CLVS2: variants seen among roughly 807,000 people sequenced by gnomAD.
CLVS2 encodes clavesin 2.
CLVS2 carries 19 observed loss-of-function variants against 29.0 expected under a neutral mutation model. That is an observed-to-expected ratio of 0.66 (90% CI 0.46 to 0.96). The LOEUF (loss-of-function observed/expected upper bound fraction) is 0.96, where lower values mean the gene tolerates loss of function less well. Ranked by LOEUF, CLVS2 falls within the 40% of genes least tolerant of loss-of-function variation. The pLI, the probability that CLVS2 is intolerant of heterozygous loss-of-function variation, is 0.00. For missense variants in CLVS2, 294 were observed against 404.1 expected, an observed-to-expected ratio of 0.73 and a Z score of 2.34; for synonymous variants, 161 against 151.3, an observed-to-expected ratio of 1.06 and a Z score of -0.47.
Position 123,072,564 on chromosome 6 carries a change from C to A in CLVS2, c.*8803C>A, listed in dbSNP as rs760759860. On this transcript the variant is annotated 3_prime_UTR_variant, in exon 6 of 6. Transcript: ENST00000275162. ...AGTCTGTACAGTGGAAACCATTTCC[C>A]TCTGTGATATCCTTTTTTGCCAACC... 17 of 152,056 alleles carry A rather than the reference C, an allele frequency of 1.1e-4. No individual in the cohort carries two copies. Among genetic ancestry groups the A allele is most frequent in the African/African-American group, 2.2e-4 (9 of 41,436 alleles). The allele number at this position is 152,056 out of a possible 1,614,324, so 9.4% of individuals were successfully genotyped here. A position where few individuals can be genotyped will look rare whatever the true frequency, so the allele number is the denominator to read the frequency against.
intron 3 of CLVS2, among the ~76,000 whole-genome samples, chr6:123,017,088 A>ATGTG (rs61643251): frequency 5.3e-4 from 79 of 149,202 alleles, no homozygotes; most frequent in Admixed American, 1.3e-3. Flanking sequence ...GCATGTGTGT[A>ATGTG]TGTGTGTGTG....
chr6:123,036,406 T>A (rs995239076), intron 3 of CLVS2, among the ~76,000 whole-genome samples: 1 of 152,172 alleles, frequency 6.6e-6, no homozygotes, highest in Non-Finnish European at 1.5e-5. Flanking sequence ...TCTGTAAGAT[T>A]TTTTGTAATA....
chr6:123,013,002 C>T (rs932799879), intron 3 of CLVS2, among the ~76,000 whole-genome samples: 1 of 151,982 alleles, frequency 6.6e-6, no homozygotes, highest in Non-Finnish European at 1.5e-5. Context: ...ATACCTATGT[C>T]TGTGTCTGTA....
intron 3 of CLVS2, among the ~76,000 whole-genome samples, chr6:123,026,097 G>A (rs143457365): frequency 6.6e-6 from 1 of 152,042 alleles, no homozygotes; most frequent in Non-Finnish European, 1.5e-5. Context: ...ATCTTTCCAT[G>A]TTAAGAGTAA....
intron 3 of CLVS2, among the ~76,000 whole-genome samples, chr6:123,038,093 C>G (rs995258728): frequency 2.0e-5 from 3 of 152,132 alleles, no homozygotes. Flanking sequence ...CTAAAGGTGG[C>G]CTGATCTTTC....
rs1036601929 is a variant in CLVS2, at chr6:123,055,106, G to A, written c.676-700G>A. On this transcript the variant is annotated intron_variant, in intron 4 of 5. Coordinates refer to ENST00000275162, the MANE Select transcript of CLVS2 (RefSeq NM_001010852.4). ...ACAAAATGATTAAGGTATGCATACA[G>A]CTTTACATTTTTAATTCATTGTTTC... Among the ~76,000 whole-genome samples, 4 of 152,112 alleles carry A rather than the reference G, an allele frequency of 2.6e-5. No homozygotes were observed. The East Asian group carries it at 5.8e-4, about 22-fold the overall frequency.
rs1772967500 is a variant in CLVS2 at position 123,072,672 on chromosome 6, T to C, written c.*8911T>C. 6.6e-6 allele frequency: 1 copy of C among 152,122 alleles called. No individual in the cohort carries two copies. Among genetic ancestry groups the C allele is most frequent in the South Asian group, 2.1e-4 (1 of 4,838 alleles). The allele number at this position is 152,122 out of a possible 1,614,324, so 9.4% of individuals were successfully genotyped here. A position where few individuals can be genotyped will look rare whatever the true frequency, so the allele number is the denominator to read the frequency against. On this transcript the variant is annotated 3_prime_UTR_variant, in exon 6 of 6. Coordinates refer to ENST00000275162, the MANE Select transcript of CLVS2 (RefSeq NM_001010852.4). ...CACATGAAAGATCCTATAGTTCATG[T>C]TCTCTTAGGTTGAATTTTCTTTTCA... is the stretch of plus-strand genomic sequence containing the variant.
At chr6:123,035,183 A>C (rs1183986325) in intron 3 of CLVS2, among the ~76,000 whole-genome samples, 1 of 152,138 alleles carries the variant, frequency 6.6e-6, no homozygotes, top group East Asian at 1.9e-4. Context: ...AAGGGATAAA[A>C]GCAGAATTCT....
In CLVS2 at chr6:123,063,693, C is replaced by T. The variant is rs1400351690; in HGVS notation, c.916C>T (p.Pro306Ser). 3 of 1,610,202 alleles carry T rather than the reference C, an allele frequency of 1.9e-6. No homozygotes were observed. Among genetic ancestry groups the T allele is most frequent in the African/African-American group, 1.3e-5 (1 of 74,784 alleles). Residue 306 changes from proline (P) to serine (S), a missense_variant, in exon 6 of 6, where the codon CCT becomes TCT. Pro to Ser is a moderately conservative substitution (Grantham distance 74). Transcript: ENST00000275162. ...TTCCAGATCTCAATCAGTAGTGGAT[C>T]CTACAGTACTAAAACGCATGGATAA... ...SMKRSQSVVD[P>S]TVLKRMDKNE...
rs1410568266 is a variant in CLVS2, at chr6:123,068,226, T to TA, written c.*4472dup. ...AGGTGTACAAATGATGCTATTGAAA[T>TA]AAAAAAATGTAGAAATCACTTAATT... On this transcript the variant is annotated 3_prime_UTR_variant, in exon 6 of 6. Coordinates refer to ENST00000275162, the MANE Select transcript of CLVS2 (RefSeq NM_001010852.4). The TA allele has an allele frequency of 2.0e-5, 3 of 151,416 alleles. No homozygotes were observed. 9.4% of individuals were successfully genotyped at this position (151,416 alleles called of 1,614,324 possible). A position where few individuals can be genotyped will look rare whatever the true frequency, so the allele number is the denominator to read the frequency against.
chr6:123,007,505 A>G (rs1458640365), intron 2 of CLVS2, among the ~76,000 whole-genome samples: 2 of 152,212 alleles, frequency 1.3e-5, no homozygotes, highest in East Asian at 3.8e-4. Flanking sequence ...TGTGCAAGGA[A>G]GACTGATTTC....
rs539377563 is a variant in CLVS2, at chr6:122,996,553, G to T, written c.-753G>T. The T allele has an allele frequency of 1.6e-4, 24 of 153,136 alleles. No homozygotes were observed. The highest frequency in any genetic ancestry group is 5.8e-4 in the African/African-American group (24 of 41,570). 9.5% of individuals were successfully genotyped at this position (153,136 alleles called of 1,614,324 possible). On this transcript the variant is annotated 5_prime_UTR_variant, in exon 1 of 6. Transcript: ENST00000275162. ...TGCTAGGAGAGGCTGCGGGCTGCCC[G>T]CGGACGATGTGGCCGCGGCTGCTCC...
chr6:123,053,215 G>A (rs1256060003), intron 4 of CLVS2, among the ~76,000 whole-genome samples: 4 of 152,050 alleles, frequency 2.6e-5, no homozygotes, highest in Non-Finnish European at 5.9e-5. Flanking sequence ...GCATGATGGC[G>A]CGCCTGTAGT....
At position 123,055,905 on chromosome 6, in the gene CLVS2, G is replaced by C; in HGVS notation, c.775G>C (p.Gly259Arg). 6.2e-7 allele frequency: 1 copy of C among 1,613,880 alleles called. No individual in the cohort carries two copies. Among genetic ancestry groups the C allele is most frequent in the Non-Finnish European group, 8.5e-7 (1 of 1,179,818 alleles). Residue 259 changes from glycine (G) to arginine (R), a missense_variant, in exon 5 of 6, where the codon GGG (glycine) becomes CGG (arginine). By Grantham distance (125) the Gly-to-Arg change is moderately radical. This residue lies in a region of CLVS2 where 212 missense variants were observed against 336.4 expected (regional missense o/e 0.63). Transcript: ENST00000275162. ...AGGAATGCTGCCTCCTTATGACATG[G>C]GGACATGGGCAAGAACACTGCTAGA... is the stretch of plus-strand genomic sequence containing the variant. Reference protein sequence around the residue: ...FGGMLPPYDMGTWARTLLDHE... With the variant: ...FGGMLPPYDMRTWARTLLDHE...
chr6:123,056,149 C>T lies in CLVS2; in HGVS notation c.896+123C>T, dbSNP rs947657208. 9 of 653,326 alleles carry T rather than the reference C, an allele frequency of 1.4e-5. No homozygotes were observed. The Admixed American group carries it at 1.6e-4, about 11-fold the overall frequency. 40.5% of individuals were successfully genotyped at this position (653,326 alleles called of 1,614,324 possible). On this transcript the variant is annotated intron_variant, in intron 5 of 5. Coordinates refer to ENST00000275162, the MANE Select transcript of CLVS2 (RefSeq NM_001010852.4). ...TGGTGGGATTTTAAAACTCTTTATG[C>T]CCTATGATTGTATGTCTAAGAGTTT...
chr6:123,054,538 A>G (rs1337502819), intron 4 of CLVS2, among the ~76,000 whole-genome samples: 1 of 152,184 alleles, frequency 6.6e-6, no homozygotes, highest in Non-Finnish European at 1.5e-5. Flanking sequence ...TTTATTTGAT[A>G]TTGTAGAGTA....
chr6:123,026,178 AATGTAAAATATTGTCACTTTG>A (rs1453132676), intron 3 of CLVS2, among the ~76,000 whole-genome samples: 2 of 152,126 alleles, frequency 1.3e-5, no homozygotes, highest in African/African-American at 4.8e-5. Context: ...AATATAAACA[AATGTAAAATATTGTCACTTTG>A]ATGTAAATAA....
intron 2 of CLVS2, among the ~76,000 whole-genome samples, chr6:123,005,078 T>C (rs1391146622): frequency 1.3e-5 from 2 of 152,198 alleles, no homozygotes; most frequent in Non-Finnish European, 2.9e-5. Flanking sequence ...TTCCCCTTTT[T>C]TCCTAAGGTG....
intron 3 of CLVS2, among the ~76,000 whole-genome samples, chr6:123,047,984 A>T (rs1019057488): frequency 6.6e-6 from 1 of 152,154 alleles, no homozygotes; most frequent in African/African-American, 2.4e-5. Context: ...CTGTGGAGTG[A>T]GATCAGAGAG....
Sources: gnomAD v4.1 joint callset for allele counts (sites outside exome capture counted in the v4.1 genomes callset) on GRCh38, gnomAD v4.1.1 for gene constraint, gnomAD v4.1.1 regional missense constraint, MANE v1.5 for transcripts, NCBI Gene and HGNC (gene_info 2026-07-23, HGNC 2026-07-21) for gene names.